GLDN: variants seen among roughly 807,000 people sequenced by gnomAD.
The protein encoded by GLDN is gliomedin.
GLDN carries 47 observed loss-of-function variants against 56.5 expected under a neutral mutation model. The ratio of observed to expected loss-of-function variants is 0.83; its 90% confidence interval spans 0.66 to 1.06. The LOEUF is 1.06. GLDN is among the 50% of genes least tolerant of loss of function. The probability of loss-of-function intolerance (pLI) is 0.00; values close to 1 mark genes in which losing one functional copy is unlikely to be tolerated. For synonymous variants in GLDN, 332 were observed against 278.8 expected (o/e 1.19, Z -1.90); for missense variants, 782 against 714.3 (o/e 1.09, Z -1.08).
chr15:51,361,538 G>T (rs555643853), intron 1 of GLDN, among the ~76,000 whole-genome samples: 1 of 152,118 alleles, frequency 6.6e-6, no homozygotes, highest in South Asian at 2.1e-4. Context: ...ATCAGGTATG[G>T]GTAAGACTGA....
chr15:51,369,724 A>G (rs780406240), intron 1 of GLDN, among the ~76,000 whole-genome samples: 2 of 152,220 alleles, frequency 1.3e-5, no homozygotes, highest in Non-Finnish European at 2.9e-5. Flanking sequence ...TAAATTACAC[A>G]TCTATTAGTA....
intron 1 of GLDN, among the ~76,000 whole-genome samples, chr15:51,344,626 T>G (rs1460614293): frequency 6.6e-6 from 1 of 152,142 alleles, no homozygotes; most frequent in Non-Finnish European, 1.5e-5. Flanking sequence ...AGATCTTGAA[T>G]GAGAGTGAGA....
intron 4 of GLDN, among the ~76,000 whole-genome samples, chr15:51,391,053 G>A (rs1459211166): frequency 3.3e-5 from 5 of 152,172 alleles, no homozygotes; most frequent in Admixed American, 6.5e-5. Flanking sequence ...TGACAAAGAC[G>A]AGGGGATGCT....
chr15:51,390,829 G>A (rs775930743), intron 4 of GLDN, among the ~76,000 whole-genome samples: 6 of 152,070 alleles, frequency 3.9e-5, no homozygotes, highest in Non-Finnish European at 5.9e-5. Context: ...GGCAGAGTCC[G>A]GCCTTTCTTC....
intron 3 of GLDN, among the ~76,000 whole-genome samples, 161 bp downstream of exon 3, chr15:51,383,614 C>G (rs1160553092): frequency 2.6e-5 from 4 of 152,152 alleles, no homozygotes; most frequent in Admixed American, 2.6e-4. Context: ...CCATCACCAT[C>G]CCCCCACTTG....
chr15:51,382,197 G>A (rs1356597462), intron 2 of GLDN, among the ~76,000 whole-genome samples: 3 of 152,120 alleles, frequency 2.0e-5, no homozygotes, highest in African/African-American at 4.8e-5. Context: ...ATCTTCTTGA[G>A]ATGCCTTCTC....
At chr15:51,381,466 G>T (rs1484463926) in intron 2 of GLDN, among the ~76,000 whole-genome samples, 2 of 152,164 alleles carry the variant, frequency 1.3e-5, no homozygotes, top group Non-Finnish European at 2.9e-5. Context: ...CCTAGAGAAT[G>T]TGGTACCATT....
At chr15:51,345,552 C>A (rs1464832787) in intron 1 of GLDN, among the ~76,000 whole-genome samples, 1 of 152,200 alleles carries the variant, frequency 6.6e-6, no homozygotes, top group African/African-American at 2.4e-5. Context: ...AACATCAATG[C>A]TTGATTTTTA....
chr15:51,356,332 A>G (rs188415743), intron 1 of GLDN, among the ~76,000 whole-genome samples: 1 of 152,152 alleles, frequency 6.6e-6, no homozygotes, highest in Non-Finnish European at 1.5e-5. Context: ...AAAAGGAGCC[A>G]CTTGGTCCAG....
intron 9 of GLDN, among the ~76,000 whole-genome samples, chr15:51,402,125 G>A (rs1272086863): frequency 6.6e-6 from 1 of 152,224 alleles, no homozygotes; most frequent in African/African-American, 2.4e-5. Flanking sequence ...AACTTTGGGT[G>A]TGGGGAATTT....
At position 51,363,073 on chromosome 15, in the gene GLDN, T is replaced by C. The variant is rs186272584; in HGVS notation, c.364-14376T>C. Among the ~76,000 whole-genome samples the C allele has an allele frequency of 5.3e-5, 8 of 152,130 alleles. No individual in the cohort carries two copies. In the South Asian group the frequency reaches 1.2e-3, roughly 24 times the overall value. On this transcript the variant is annotated intron_variant, in intron 1 of 9. Coordinates refer to ENST00000335449, the MANE Select transcript of GLDN (RefSeq NM_181789.4). ...AGATAGAACAGGTTTAGGGGGAAGA[T>C]GAAGAGTTCAGTTTTGAATGTTGTT...
intron 5 of GLDN, among the ~76,000 whole-genome samples, chr15:51,396,046 C>T (rs1376259158): frequency 6.6e-6 from 1 of 152,188 alleles, no homozygotes; most frequent in Non-Finnish European, 1.5e-5. Context: ...CCAAACACCT[C>T]CCACAGACCC....
chr15:51,375,705 A>G (rs1369665693), intron 1 of GLDN, among the ~76,000 whole-genome samples: 2 of 152,200 alleles, frequency 1.3e-5, no homozygotes, highest in African/African-American at 4.8e-5. Context: ...TCCACATGGC[A>G]TGAGAATCAC....
At chr15:51,355,702 T>C (rs1396490369) in intron 1 of GLDN, among the ~76,000 whole-genome samples, 1 of 150,614 alleles carries the variant, frequency 6.6e-6, no homozygotes, top group African/African-American at 2.4e-5. Context: ...CTTTTGTATT[T>C]TTAGTAGAGA....
chr15:51,378,956 A>C (rs2037695264), intron 2 of GLDN, among the ~76,000 whole-genome samples: 1 of 152,144 alleles, frequency 6.6e-6, no homozygotes. Context: ...CCAGAGCAGA[A>C]CCTGGGCTTG....
chr15:51,375,662 C>T (rs1463909499), intron 1 of GLDN, among the ~76,000 whole-genome samples: 1 of 152,170 alleles, frequency 6.6e-6, no homozygotes, highest in African/African-American at 2.4e-5. Flanking sequence ...CTGCAGTGAC[C>T]ACCTGCCACA....
chr15:51,398,129 G>A (rs905697385), intron 6 of GLDN, among the ~76,000 whole-genome samples: 1 of 152,208 alleles, frequency 6.6e-6, no homozygotes, highest in African/African-American at 2.4e-5. Flanking sequence ...ACCCCAAAGA[G>A]CTAAGGAACT....
rs2038052322 is a variant in GLDN at position 51,392,890 on chromosome 15, TTTCCAATCTGTA to T, written c.542-1943_542-1932del. 2.0e-5 allele frequency among the ~76,000 whole-genome samples: 3 copies of T among 152,246 alleles called. No homozygotes were observed. The South Asian group carries it at 6.2e-4, about 31-fold the overall frequency. ...TGACATCTGCAAACGGTCTTCATCC[TTTCCAATCTGTA>T]TGCCTTTTAGTTATTTTTCCTTGCA... On this transcript the variant is annotated intron_variant, in intron 4 of 9. Transcript: ENST00000335449.
At chr15:51,382,165 T>C (rs2037776996) in intron 2 of GLDN, among the ~76,000 whole-genome samples, 1 of 152,176 alleles carries the variant, frequency 6.6e-6, no homozygotes, top group Middle Eastern at 3.2e-3. Context: ...CCCCGTTTCT[T>C]CAATGTCGTG....
Sources: gnomAD v4.1 joint callset for allele counts (sites outside exome capture counted in the v4.1 genomes callset) on GRCh38, gnomAD v4.1.1 for gene constraint, MANE v1.5 for transcripts, NCBI Gene and HGNC (gene_info 2026-07-23, HGNC 2026-07-21) for gene names.